PDE7A: variants seen among roughly 807,000 people sequenced by gnomAD.
The protein encoded by PDE7A is phosphodiesterase 7A, also known as high affinity 3',5'-cyclic-AMP phosphodiesterase 7A.
Under a neutral mutation model 64.3 loss-of-function variants are expected in PDE7A, and 39 were observed. The observed-to-expected ratio is 0.61, with a 90% CI of 0.47 to 0.79. The LOEUF (loss-of-function observed/expected upper bound fraction) is 0.79, where lower values mean the gene tolerates loss of function less well. Among genes scored for constraint, PDE7A ranks in the 30% least tolerant of loss-of-function variants. The probability of loss-of-function intolerance (pLI) is 0.00; values close to 1 mark genes in which losing one functional copy is unlikely to be tolerated. For missense variants in PDE7A, 470 were observed against 582.8 expected (o/e 0.81, Z 1.99); for synonymous variants, 203 against 206.8 (o/e 0.98, Z 0.16).
chr8:65,746,363 C>T (rs1390273811), intron 4 of PDE7A, among the ~76,000 whole-genome samples: 1 of 152,144 alleles, frequency 6.6e-6, no homozygotes, highest in Non-Finnish European at 1.5e-5. Context: ...AGGCATCTGA[C>T]ACTGATACCA....
In PDE7A at chr8:65,717,092, C is replaced by A. The variant is rs1055164946; in HGVS notation, c.*2198G>T. ...TTTTAAAGTGATACAATATTTTGGA[C>A]GTATTGGAATAGATGTTACTAAAAT... On this transcript the variant is annotated 3_prime_UTR_variant, in exon 13 of 13. Coordinates refer to ENST00000401827, the MANE Select transcript of PDE7A (RefSeq NM_001242318.3). Among the ~76,000 whole-genome samples, 3 of 150,242 alleles carry A rather than the reference C, an allele frequency of 2.0e-5. No individual in the cohort carries two copies. Among genetic ancestry groups the A allele is most frequent in the Non-Finnish European group, 2.9e-5 (2 of 68,020 alleles).
In PDE7A at chr8:65,804,302, A is replaced by G. The variant is rs1235339992; in HGVS notation, c.139-21459T>C. On this transcript the variant is annotated intron_variant, in intron 1 of 12. Transcript: ENST00000401827. ...AATAGTTACTCATGATTTCCTGAAC[A>G]TGGCTGGGGCATTACCACTGTCATA... is the stretch of plus-strand genomic sequence containing the variant. Among the ~76,000 whole-genome samples the G allele has an allele frequency of 2.6e-5, 4 of 152,192 alleles. No homozygotes were observed. The East Asian group carries it at 7.7e-4, about 29-fold the overall frequency.
intron 3 of PDE7A, among the ~76,000 whole-genome samples, chr8:65,760,170 G>A (rs1808423689): frequency 6.6e-6 from 1 of 152,192 alleles, no homozygotes; most frequent in Non-Finnish European, 1.5e-5. Flanking sequence ...AACCTGGGAA[G>A]TAGAGGTTGC....
At chr8:65,719,673 A>G in intron 12 of PDE7A, 178 bp from the exon 13 acceptor site, 1 of 573,124 alleles carries the variant, frequency 1.7e-6, no homozygotes, top group Admixed American at 3.0e-5. Flanking sequence ...TCCACTTTGA[A>G]GAACTGATTT....
At chr8:65,726,759 A>C in intron 9 of PDE7A, 116 bp downstream of exon 9, 1 of 574,210 alleles carries the variant, frequency 1.7e-6, no homozygotes, top group Non-Finnish European at 3.2e-6. Flanking sequence ...AAATTTGACA[A>C]ACACTGAAAA....
intron 1 of PDE7A, among the ~76,000 whole-genome samples, chr8:65,825,644 G>A (rs937037996): frequency 1.3e-5 from 2 of 152,200 alleles, no homozygotes; most frequent in African/African-American, 2.4e-5. Flanking sequence ...AATCTTGGAG[G>A]AGGTAGGTGG....
intron 4 of PDE7A, among the ~76,000 whole-genome samples, chr8:65,747,106 C>T (rs1220419885): frequency 6.6e-6 from 1 of 152,092 alleles, no homozygotes; most frequent in African/African-American, 2.4e-5. Flanking sequence ...TACATCTAAA[C>T]CCTCAAAAAT....
At chr8:65,761,517 A>G (rs1298746561) in intron 3 of PDE7A, among the ~76,000 whole-genome samples, 1 of 152,212 alleles carries the variant, frequency 6.6e-6, no homozygotes, top group Non-Finnish European at 1.5e-5. Flanking sequence ...GCTAGTTTAC[A>G]TGGTTACCTA....
chr8:65,771,884 CAAAAAAA>C (rs36101490), intron 3 of PDE7A, among the ~76,000 whole-genome samples: 1 of 55,836 alleles, frequency 1.8e-5, no homozygotes, highest in Non-Finnish European at 3.7e-5. Flanking sequence ...CTCCATCTCT[CAAAAAAA>C]AAAAAAAAAA....
chr8:65,798,027 CCT>C (rs1267949079), intron 1 of PDE7A, among the ~76,000 whole-genome samples: 1 of 149,576 alleles, frequency 6.7e-6, no homozygotes, highest in Non-Finnish European at 1.5e-5. Flanking sequence ...AAACTAAAAA[CCT>C]CTGTTCTTCA....
intron 3 of PDE7A, among the ~76,000 whole-genome samples, chr8:65,779,319 G>A (rs1809343079): frequency 6.6e-6 from 1 of 152,034 alleles, no homozygotes; most frequent in South Asian, 2.1e-4. Context: ...CATCTTTAAA[G>A]GTGATATACA....
At chr8:65,762,408 C>T (rs1808542923) in intron 3 of PDE7A, among the ~76,000 whole-genome samples, 1 of 152,140 alleles carries the variant, frequency 6.6e-6, no homozygotes. Context: ...ATTAGTAGAG[C>T]AGCACGTGCT....
At chr8:65,754,831 G>T (rs949945742) in intron 3 of PDE7A, among the ~76,000 whole-genome samples, 1 of 149,042 alleles carries the variant, frequency 6.7e-6, no homozygotes, top group South Asian at 2.1e-4. Context: ...TGGGCATGGT[G>T]GCATGCACCT....
chr8:65,792,266 A>G (rs1297774043), intron 1 of PDE7A, among the ~76,000 whole-genome samples: 2 of 152,230 alleles, frequency 1.3e-5, no homozygotes, highest in East Asian at 1.9e-4. Flanking sequence ...ATTTGATACT[A>G]TAAGAAGAAA....
chr8:65,802,748 G>C (rs552193058), intron 1 of PDE7A, among the ~76,000 whole-genome samples: 1 of 152,238 alleles, frequency 6.6e-6, no homozygotes, highest in South Asian at 2.1e-4. Flanking sequence ...TCTTTAACTA[G>C]TATGATATAG....
At position 65,744,942 on chromosome 8, in the gene PDE7A, T is replaced by C. The variant is rs140778886; in HGVS notation, c.499+465A>G. Among the ~76,000 whole-genome samples the C allele has an allele frequency of 3.4e-3, 518 of 152,362 alleles. 3 individuals are homozygous for C. Among genetic ancestry groups the C allele is most frequent in the African/African-American group, 0.012 (491 of 41,592 alleles). On this transcript the variant is annotated intron_variant, in intron 5 of 12. Coordinates refer to ENST00000401827, the MANE Select transcript of PDE7A (RefSeq NM_001242318.3). ...GATGCTCCCTGATATGGTTTGGCTGTGTCCCCAGCCAAATCTCACCTTGAA... is the reference window on the plus strand; with the variant it reads ...GATGCTCCCTGATATGGTTTGGCTGCGTCCCCAGCCAAATCTCACCTTGAA...
intron 12 of PDE7A, among the ~76,000 whole-genome samples, chr8:65,720,754 G>A (rs1464723726): frequency 6.6e-6 from 1 of 152,194 alleles, no homozygotes; most frequent in African/African-American, 2.4e-5. Flanking sequence ...CTGGTGAGGA[G>A]AAAGAGATAA....
intron 3 of PDE7A, among the ~76,000 whole-genome samples, chr8:65,751,930 A>T (rs1807987886): frequency 6.6e-6 from 1 of 152,244 alleles, no homozygotes; most frequent in Admixed American, 6.5e-5. Flanking sequence ...GTCAGTGCAT[A>T]GACACCTTCC....
intron 1 of PDE7A, among the ~76,000 whole-genome samples, chr8:65,830,718 A>C (rs1810796570): frequency 3.9e-5 from 6 of 152,166 alleles, no homozygotes; most frequent in Admixed American, 3.9e-4. Flanking sequence ...ACAGAGCATT[A>C]TGGACATACA....
Sources: allele counts gnomAD v4.1 joint callset (sites outside exome capture counted in the v4.1 genomes callset), GRCh38; gene constraint gnomAD v4.1.1; transcripts MANE v1.5; gene names NCBI Gene and HGNC (gene_info 2026-07-23, HGNC 2026-07-21).